DRG1: variants seen among roughly 807,000 people sequenced by gnomAD.
DRG1 encodes the protein developmentally-regulated GTP-binding protein 1.
DRG1 carries 19 observed loss-of-function variants against 38.8 expected under a neutral mutation model. The ratio of observed to expected loss-of-function variants is 0.49; its 90% CI spans 0.34 to 0.72. The LOEUF is 0.72. DRG1 is among the 30% of genes least tolerant of loss of function. The pLI is 0.01. For missense variants in DRG1, 299 were observed against 444.8 expected, an observed-to-expected ratio of 0.67 and a Z score of 2.95; for synonymous variants, 167 against 157.5, an observed-to-expected ratio of 1.06 and a Z score of -0.45.
chr22:31,431,019 T>TTCCCC (rs2050135563), intron 8 of DRG1, among the ~76,000 whole-genome samples: 1 of 81,016 alleles, frequency 1.2e-5, no homozygotes, highest in African/African-American at 5.0e-5. Context: ...CACCCGGCCT[T>TTCCCC]CCCCCCCCCC....
chr22:31,405,312 C>G (rs542110559), intron 3 of DRG1, among the ~76,000 whole-genome samples: 2 of 151,908 alleles, frequency 1.3e-5, no homozygotes, highest in African/African-American at 4.8e-5. Context: ...GGACTACATG[C>G]GCATGCCACC....
intron 8 of DRG1, among the ~76,000 whole-genome samples, chr22:31,428,896 T>C (rs572991281): frequency 4.6e-5 from 7 of 152,202 alleles, no homozygotes; most frequent in Non-Finnish European, 8.8e-5. Flanking sequence ...AATAATGATA[T>C]GTTCTTCTCA....
At chr22:31,433,050 T>C (rs907937984) in intron 8 of DRG1, among the ~76,000 whole-genome samples, 1 of 152,052 alleles carries the variant, frequency 6.6e-6, no homozygotes, top group Admixed American at 6.6e-5. Flanking sequence ...CCTTCACATA[T>C]TCCAGTAAAT....
intron 4 of DRG1, among the ~76,000 whole-genome samples, chr22:31,417,243 G>T (rs577361163): frequency 6.7e-6 from 1 of 149,648 alleles, no homozygotes; most frequent in Non-Finnish European, 1.5e-5. Context: ...GGTGGTGCGC[G>T]CCTGTAGTCC....
intron 4 of DRG1, among the ~76,000 whole-genome samples, chr22:31,416,099 A>G (rs1286610557): frequency 1.3e-5 from 2 of 152,150 alleles, no homozygotes; most frequent in African/African-American, 4.8e-5. Flanking sequence ...ACTTGAGGCC[A>G]GGAGTTCCAG....
intron 8 of DRG1, among the ~76,000 whole-genome samples, chr22:31,428,146 C>T (rs1601535363): frequency 6.6e-6 from 1 of 152,148 alleles, no homozygotes; most frequent in East Asian, 1.9e-4. Context: ...GCCACTATGC[C>T]CAGCATATTA....
At chr22:31,423,258 G>A (rs1488524284) in intron 5 of DRG1, 22 bp from the exon 6 acceptor site, 2 of 1,612,704 alleles carry the variant, frequency 1.2e-6, no homozygotes, top group Admixed American at 1.7e-5. Flanking sequence ...GTGCTGACTA[G>A]TCATCTGCTA....
At chr22:31,426,440 C>CT in intron 6 of DRG1, 175 bp from the exon 7 acceptor site, 1 of 567,000 alleles carries the variant, frequency 1.8e-6, no homozygotes, top group African/African-American at 1.9e-5. Context: ...ACTTCTGTTA[C>CT]TTTTCAACCC....
chr22:31,408,289 G>A (rs575261387), intron 3 of DRG1, among the ~76,000 whole-genome samples: 3 of 144,412 alleles, frequency 2.1e-5, no homozygotes, highest in Admixed American at 6.9e-5. Flanking sequence ...ACAGGTGCCC[G>A]CCACTACGCC....
At chr22:31,433,095 G>T (rs967570272) in intron 8 of DRG1, among the ~76,000 whole-genome samples, 4 of 152,074 alleles carry the variant, frequency 2.6e-5, no homozygotes, top group Middle Eastern at 3.4e-3. Flanking sequence ...TCTGGTTAGG[G>T]AGGAAGATTT....
intron 5 of DRG1, 48 bp from the exon 6 acceptor site, chr22:31,423,232 A>AT (rs756345158): frequency 1.7e-5 from 27 of 1,601,980 alleles, no homozygotes; most frequent in Non-Finnish European, 2.1e-5. Flanking sequence ...CTTGACAAGT[A>AT]TTTTTTTTAA....
rs749046819 is a variant in DRG1 at position 31,426,669 on chromosome 22, G to A, written c.768G>A (p.Glu256=). 5.0e-6 allele frequency: 8 copies of A among 1,613,854 alleles called. No individual in the cohort carries two copies. Among genetic ancestry groups the A allele is most frequent in the Non-Finnish European group, 4.2e-6 (5 of 1,179,930 alleles). Residue 256 remains glutamate (E), a synonymous_variant, in exon 7 of 9, where the codon GAG becomes GAA. Transcript: ENST00000331457. The stretch of plus-strand genomic sequence containing the variant: ...ATAAGATTGACCAAATCTCCATTGA[G>A]GAATTGGATATCATCTATAAGGTGC... ...VLNKIDQISI[E]ELDIIYKVPH...
chr22:31,410,345 C>T (rs922281361), intron 3 of DRG1, among the ~76,000 whole-genome samples: 1 of 151,304 alleles, frequency 6.6e-6, no homozygotes. Context: ...GTCCCAGCTA[C>T]TCGGGAATTT....
At chr22:31,429,041 G>T (rs1239528648) in intron 8 of DRG1, among the ~76,000 whole-genome samples, 1 of 152,072 alleles carries the variant, frequency 6.6e-6, no homozygotes, top group African/African-American at 2.4e-5. Flanking sequence ...TATTTTATAA[G>T]TATCTCGGGG....
chr22:31,430,761 C>T (rs2050134150), intron 8 of DRG1, among the ~76,000 whole-genome samples: 1 of 152,028 alleles, frequency 6.6e-6, no homozygotes, highest in South Asian at 2.1e-4. Flanking sequence ...CTCTGTCTCC[C>T]AGGCTGGAGT....
intron 8 of DRG1, among the ~76,000 whole-genome samples, chr22:31,427,483 T>C (rs761610050): frequency 8.5e-5 from 13 of 152,196 alleles, no homozygotes; most frequent in African/African-American, 2.9e-4. Flanking sequence ...CACTGGCCTC[T>C]ACTGGGTACT....
At chr22:31,429,058 T>C (rs746247773) in intron 8 of DRG1, among the ~76,000 whole-genome samples, 1 of 152,190 alleles carries the variant, frequency 6.6e-6, no homozygotes, top group African/African-American at 2.4e-5. Context: ...GGGGTACTTT[T>C]GAGACTGTGA....
rs201082892 is a variant in DRG1 at position 31,410,816 on chromosome 22, C to CAA, written c.343-185_343-184dup. 9.6e-3 allele frequency among the ~76,000 whole-genome samples: 1,239 copies of CAA among 129,056 alleles called. 19 individuals carry two copies. Among genetic ancestry groups the CAA allele is most frequent in the African/African-American group, 0.034 (1,191 of 34,962 alleles). The allele number at this position is 129,056 out of a possible 152,430, so 84.7% of individuals were successfully genotyped here. ...GGCAAAAAGCATGAAACTCCATCTC[C>CAA]AAAAAAAAAAAAGCCTGTAGCTGAC... On this transcript the variant is annotated intron_variant, in intron 3 of 8. Coordinates refer to ENST00000331457, the MANE Select transcript of DRG1 (RefSeq NM_004147.4).
chr22:31,423,719 G>A (rs1164886803), intron 6 of DRG1, among the ~76,000 whole-genome samples: 1 of 151,602 alleles, frequency 6.6e-6, no homozygotes, highest in Non-Finnish European at 1.5e-5. Context: ...TAGAGATGGG[G>A]TTTCATCATG....
Sources: gnomAD v4.1 joint callset for allele counts (sites outside exome capture counted in the v4.1 genomes callset) on GRCh38, gnomAD v4.1.1 for gene constraint, MANE v1.5 for transcripts, NCBI Gene and HGNC (gene_info 2026-07-23, HGNC 2026-07-21) for gene names.